Variants in NRXN1 observed in about 807,000 individuals in gnomAD.
NRXN1 encodes the protein neurexin 1.
In NRXN1, 39 loss-of-function variants were observed where a neutral mutation model predicts 150.9. The observed-to-expected ratio is 0.26, with a 90% confidence interval of 0.20 to 0.34. The LOEUF (loss-of-function observed/expected upper bound fraction) is 0.34. Ranked by LOEUF, NRXN1 falls within the 10% of genes least tolerant of loss-of-function variation. NRXN1 has a pLI of 1.00. For missense variants in NRXN1, 1,815 were observed against 1,949.9 expected (o/e 0.93, Z 1.30); for synonymous variants, 924 against 757.0 (o/e 1.22, Z -3.62).
chr2:50,748,798 G>A (rs1336360950), intron 5 of NRXN1, among the ~76,000 whole-genome samples: 1 of 152,108 alleles, frequency 6.6e-6, no homozygotes, highest in African/African-American at 2.4e-5. Context: ...CTTGAGTCAA[G>A]AGACCCACAA....
chr2:50,088,762 T>C (rs781218072), intron 19 of NRXN1, among the ~76,000 whole-genome samples: 3 of 152,200 alleles, frequency 2.0e-5, no homozygotes, highest in Non-Finnish European at 4.4e-5. Flanking sequence ...CAAATATTTT[T>C]TTCAAATAAT....
At chr2:49,984,672 A>G (rs1044353207) in intron 21 of NRXN1, among the ~76,000 whole-genome samples, 3 of 151,586 alleles carry the variant, frequency 2.0e-5, no homozygotes, top group Non-Finnish European at 4.4e-5. Context: ...GGTACAAAGA[A>G]TTGTGGGAAA....
At chr2:50,504,036 A>C (rs1474053441) in intron 13 of NRXN1, among the ~76,000 whole-genome samples, 5 of 152,004 alleles carry the variant, frequency 3.3e-5, no homozygotes, top group Non-Finnish European at 7.4e-5. Context: ...ATATTAATAC[A>C]AAGCAGGAAG....
intron 5 of NRXN1, among the ~76,000 whole-genome samples, chr2:50,773,757 G>C (rs1703281170): frequency 6.6e-6 from 1 of 152,124 alleles, no homozygotes; most frequent in Non-Finnish European, 1.5e-5. Context: ...AGGTTTCCAG[G>C]CCATTTGTTC....
intron 22 of NRXN1, among the ~76,000 whole-genome samples, chr2:49,929,241 G>C (rs1053479461): frequency 3.3e-5 from 5 of 152,144 alleles, no homozygotes; most frequent in African/African-American, 1.2e-4. Context: ...TCGAACAGAA[G>C]AGACAATGGA....
chr2:50,250,742 T>G (rs745468337), intron 17 of NRXN1, among the ~76,000 whole-genome samples: 7 of 152,044 alleles, frequency 4.6e-5, no homozygotes, highest in Non-Finnish European at 1.0e-4. Context: ...CTATTTATCA[T>G]AAATTGTGTC....
rs1671057692 is a variant in NRXN1 at position 51,028,922 on chromosome 2, T to C, written c.-649A>G. 2 of 152,238 alleles carry C rather than the reference T, an allele frequency of 1.3e-5. No individual in the cohort carries two copies. The highest frequency in any genetic ancestry group is 2.1e-4 in the South Asian group (1 of 4,838). The allele number at this position is 152,238 out of a possible 1,614,324, so 9.4% of individuals were successfully genotyped here. A position where few individuals can be genotyped will look rare whatever the true frequency, so the allele number is the denominator to read the frequency against. ...CTTCAAAGGCCTGCTTCTTCTGTCATAGCATGGGCTTCAGCACCGCTGCAG... is the reference window on the plus strand; with the variant it reads ...CTTCAAAGGCCTGCTTCTTCTGTCACAGCATGGGCTTCAGCACCGCTGCAG... On this transcript the variant is annotated 5_prime_UTR_variant, in exon 2 of 23. The change abolishes an upstream ATG in the 5' untranslated region. Transcript: ENST00000401669.
intron 2 of NRXN1, among the ~76,000 whole-genome samples, chr2:50,959,358 T>C (rs1203919128): frequency 6.6e-6 from 1 of 152,036 alleles, no homozygotes; most frequent in African/African-American, 2.4e-5. Context: ...ACAACCCAAA[T>C]ATCCATCAAC....
At chr2:50,607,859 C>G (rs952818471) in intron 8 of NRXN1, among the ~76,000 whole-genome samples, 1 of 152,004 alleles carries the variant, frequency 6.6e-6, no homozygotes, top group South Asian at 2.1e-4. Context: ...AAGCTTATTA[C>G]TTAGATAGTC....
chr2:50,713,368 C>G (rs1053917506), intron 5 of NRXN1, among the ~76,000 whole-genome samples: 1 of 151,324 alleles, frequency 6.6e-6, no homozygotes, highest in Non-Finnish European at 1.5e-5. Context: ...CATTTGGTAA[C>G]AATCTCATTC....
chr2:50,745,663 T>G (rs1699935726), intron 5 of NRXN1, among the ~76,000 whole-genome samples: 1 of 151,976 alleles, frequency 6.6e-6, no homozygotes, highest in Non-Finnish European at 1.5e-5. Flanking sequence ...CTCAGAAAAC[T>G]TACAATCATG....
intron 17 of NRXN1, among the ~76,000 whole-genome samples, chr2:50,318,899 T>C (rs931976930): frequency 1.3e-5 from 2 of 152,142 alleles, no homozygotes; most frequent in Non-Finnish European, 2.9e-5. Context: ...AGTTTTTCAA[T>C]TTTTAATTAC....
At chr2:50,941,359 C>T (rs1384384538) in intron 2 of NRXN1, among the ~76,000 whole-genome samples, 1 of 152,018 alleles carries the variant, frequency 6.6e-6, no homozygotes, top group Non-Finnish European at 1.5e-5. Context: ...AACTGGGTAA[C>T]GGGCAGAAAT....
At chr2:50,953,149 T>C (rs1410582735) in intron 2 of NRXN1, among the ~76,000 whole-genome samples, 1 of 152,150 alleles carries the variant, frequency 6.6e-6, no homozygotes, top group East Asian at 1.9e-4. Flanking sequence ...AATTGCACAA[T>C]AGGATGAGTA....
At chr2:50,559,230 C>T (rs918475107) in intron 8 of NRXN1, among the ~76,000 whole-genome samples, 1 of 152,172 alleles carries the variant, frequency 6.6e-6, no homozygotes, top group African/African-American at 2.4e-5. Flanking sequence ...CAGGAACTAG[C>T]CAGCAAGTGA....
chr2:50,820,626 C>T (rs892494232), intron 5 of NRXN1, among the ~76,000 whole-genome samples: 3 of 152,100 alleles, frequency 2.0e-5, no homozygotes, highest in Non-Finnish European at 4.4e-5. Flanking sequence ...CTTTCATCCT[C>T]GCTCTACCCT....
chr2:50,392,441 G>C (rs2081780015), intron 17 of NRXN1, among the ~76,000 whole-genome samples: 1 of 152,124 alleles, frequency 6.6e-6, no homozygotes, highest in Admixed American at 6.6e-5. Flanking sequence ...TCATAGAAGA[G>C]GAATAGAAAT....
intron 18 of NRXN1, among the ~76,000 whole-genome samples, chr2:50,191,272 T>C (rs2061428141): frequency 6.6e-6 from 1 of 150,390 alleles, no homozygotes; most frequent in Non-Finnish European, 1.5e-5. Flanking sequence ...ACTCCTGACC[T>C]CAAATGATCC....
chr2:50,104,762 G>A (rs139102682), intron 18 of NRXN1, among the ~76,000 whole-genome samples: 97 of 152,092 alleles, frequency 6.4e-4, no homozygotes, highest in African/African-American at 2.2e-3. Context: ...GATTTTGTGT[G>A]CTAAACTATA....
Sources: allele counts gnomAD v4.1 joint callset (sites outside exome capture counted in the v4.1 genomes callset), GRCh38; gene constraint gnomAD v4.1.1; transcripts MANE v1.5; gene names NCBI Gene and HGNC (gene_info 2026-07-23, HGNC 2026-07-21).